SLC16A12: variants seen among roughly 807,000 people sequenced by gnomAD.
SLC16A12 encodes solute carrier family 16 member 12, also known as monocarboxylate transporter 12.
In SLC16A12, 17 loss-of-function variants were observed where a neutral mutation model predicts 42.4. The observed-to-expected ratio is 0.40, with a 90% CI of 0.27 to 0.60. SLC16A12 has a LOEUF of 0.60. SLC16A12 is among the 20% of genes least tolerant of loss of function. SLC16A12 has a pLI of 0.42. For missense variants in SLC16A12, 544 were observed against 623.0 expected (o/e 0.87, Z 1.35); for synonymous variants, 224 against 229.4 (o/e 0.98, Z 0.21).
Position 89,433,329 on chromosome 10 carries a change from G to A in SLC16A12, c.1289-3C>T. 1 of 1,613,590 alleles carries A rather than the reference G, an allele frequency of 6.2e-7. No individual in the cohort carries two copies. Among genetic ancestry groups the A allele is most frequent in the Non-Finnish European group, 8.5e-7 (1 of 1,179,976 alleles). On this transcript the variant is annotated splice_polypyrimidine_tract_variant and splice_region_variant and intron_variant, in intron 7 of 7. Coordinates refer to ENST00000371790, the MANE Select transcript of SLC16A12 (RefSeq NM_213606.4). ...GCCGGTGGTATCTACCAGCCGTCCT[G>A]TAACAAACAACAGCAAAATTTTATT...
chr10:89,551,158 T>C (rs1207978060), intron 2 of SLC16A12, among the ~76,000 whole-genome samples: 3 of 152,162 alleles, frequency 2.0e-5, no homozygotes, highest in Non-Finnish European at 4.4e-5. Context: ...ATCCCCAAGT[T>C]CAGCCTGGCG....
At chr10:89,514,388 C>T (rs925063406) in intron 2 of SLC16A12, among the ~76,000 whole-genome samples, 1 of 152,154 alleles carries the variant, frequency 6.6e-6, no homozygotes, top group African/African-American at 2.4e-5. Flanking sequence ...TAACAAAATA[C>T]CATAGGCTGG....
chr10:89,492,308 T>C (rs1564588113), intron 2 of SLC16A12, among the ~76,000 whole-genome samples: 1 of 152,184 alleles, frequency 6.6e-6, no homozygotes, highest in African/African-American at 2.4e-5. Context: ...TGGTGATAAA[T>C]GTATATAATT....
At chr10:89,512,268 T>A (rs1843173731) in intron 2 of SLC16A12, among the ~76,000 whole-genome samples, 2 of 152,186 alleles carry the variant, frequency 1.3e-5, no homozygotes, top group Admixed American at 1.3e-4. Flanking sequence ...TGAACATACT[T>A]CTGACATAGT....
In SLC16A12 at chr10:89,532,117, AAGT is replaced by A. The variant is rs1269965081; in HGVS notation, c.-47+2381_-47+2383del. Among the ~76,000 whole-genome samples the A allele has an allele frequency of 9.2e-5, 14 of 152,372 alleles. No individual in the cohort carries two copies. In the East Asian group the frequency reaches 1.3e-3, roughly 15 times the overall value. On this transcript the variant is annotated intron_variant, in intron 2 of 7. Coordinates refer to ENST00000371790, the MANE Select transcript of SLC16A12 (RefSeq NM_213606.4). ...ATCCTTATACAAATCTTTTAATAAG[AAGT>A]AGAAGTTCAATAAATATTCATTAAA...
chr10:89,465,965 T>C (rs1842389586), intron 2 of SLC16A12, among the ~76,000 whole-genome samples: 1 of 152,206 alleles, frequency 6.6e-6, no homozygotes, highest in African/African-American at 2.4e-5. Context: ...CTGGATGTGA[T>C]ACCTGGATCT....
At chr10:89,522,541 T>C (rs11185738) in intron 2 of SLC16A12, among the ~76,000 whole-genome samples, 7,461 of 152,322 alleles carry the variant, frequency 0.049, 242 homozygotes, top group Middle Eastern at 0.11. Context: ...TGGAGATTAA[T>C]GGCAAAACAT....
chr10:89,447,501 A>G (rs529664491), intron 3 of SLC16A12, among the ~76,000 whole-genome samples: 4 of 152,238 alleles, frequency 2.6e-5, no homozygotes, highest in Admixed American at 6.5e-5. Flanking sequence ...CTGCTCCTGT[A>G]TGACTACTGG....
chr10:89,464,022 A>G (rs1443188203), intron 2 of SLC16A12, among the ~76,000 whole-genome samples: 3 of 152,134 alleles, frequency 2.0e-5, no homozygotes, highest in Non-Finnish European at 4.4e-5. Context: ...CACGTTATAT[A>G]TGACTCAGGC....
chr10:89,470,982 CAAGAG>C (rs1247459160), intron 2 of SLC16A12, among the ~76,000 whole-genome samples: 1 of 152,132 alleles, frequency 6.6e-6, no homozygotes, highest in Non-Finnish European at 1.5e-5. Context: ...GGAATAAACA[CAAGAG>C]AGGAGAGAAA....
chr10:89,524,885 T>A (rs987645528), intron 2 of SLC16A12, among the ~76,000 whole-genome samples: 8 of 152,198 alleles, frequency 5.3e-5, no homozygotes, highest in Non-Finnish European at 1.2e-4. Flanking sequence ...TTCATCTAAA[T>A]CAAATGTCCC....
chr10:89,520,068 G>A (rs149126217), intron 2 of SLC16A12, among the ~76,000 whole-genome samples: 36 of 151,220 alleles, frequency 2.4e-4, no homozygotes, highest in South Asian at 6.3e-4. Context: ...AGCCGAGATC[G>A]CGCCACTACA....
intron 3 of SLC16A12, among the ~76,000 whole-genome samples, chr10:89,459,817 T>G (rs1255551233): frequency 1.3e-5 from 2 of 152,152 alleles, no homozygotes; most frequent in African/African-American, 4.8e-5. Flanking sequence ...GGCACGCACC[T>G]GTAATCCCAT....
chr10:89,543,528 C>A (rs1589738168), intron 2 of SLC16A12, among the ~76,000 whole-genome samples: 1 of 152,124 alleles, frequency 6.6e-6, no homozygotes, highest in African/African-American at 2.4e-5. Context: ...GAGATTTGTA[C>A]TTATAAAAGT....
At chr10:89,504,104 A>G (rs1025068738) in intron 2 of SLC16A12, among the ~76,000 whole-genome samples, 2 of 151,326 alleles carry the variant, frequency 1.3e-5, no homozygotes, top group African/African-American at 4.9e-5. Context: ...AAAATTAGTC[A>G]TCAGATTTTA....
chr10:89,486,404 A>T (rs889998648), intron 2 of SLC16A12, among the ~76,000 whole-genome samples: 6 of 152,034 alleles, frequency 3.9e-5, no homozygotes, highest in Non-Finnish European at 8.8e-5. Context: ...TGTGACTGTG[A>T]CATGTTATAG....
Position 89,437,924 on chromosome 10 carries a change from T to A in SLC16A12, c.1028+680A>T, listed in dbSNP as rs545435641. 2.6e-5 allele frequency among the ~76,000 whole-genome samples: 4 copies of A among 152,350 alleles called. No individual in the cohort carries two copies. In the South Asian group the frequency reaches 6.2e-4, roughly 24 times the overall value. On this transcript the variant is annotated intron_variant, in intron 6 of 7. Coordinates refer to ENST00000371790, the MANE Select transcript of SLC16A12 (RefSeq NM_213606.4). ...ACAAGGAAATTACTTGCAATTTGCA[T>A]TGTCAAACATGAATATGTGGCTACA...
At chr10:89,468,052 A>G (rs1377618845) in intron 2 of SLC16A12, 1 of 152,196 alleles carries the variant, frequency 6.6e-6, no homozygotes, top group Non-Finnish European at 1.5e-5. Flanking sequence ...TGGCATTTCC[A>G]CATGTAATAA....
At chr10:89,492,123 G>A (rs549388462) in intron 2 of SLC16A12, among the ~76,000 whole-genome samples, 14 of 152,142 alleles carry the variant, frequency 9.2e-5, no homozygotes, top group African/African-American at 2.4e-4. Flanking sequence ...ATGTTCTCCC[G>A]CTGGCTTCAT....
Sources: gnomAD v4.1 joint callset for allele counts (sites outside exome capture counted in the v4.1 genomes callset) on GRCh38, gnomAD v4.1.1 for gene constraint, MANE v1.5 for transcripts, NCBI Gene and HGNC (gene_info 2026-07-23, HGNC 2026-07-21) for gene names.